Variants in SEC61A2 observed in about 807,000 individuals in gnomAD.
SEC61A2 encodes protein transport protein Sec61 subunit alpha isoform 2.
In SEC61A2, 28 loss-of-function variants were observed where a neutral mutation model predicts 59.9. The observed-to-expected ratio is 0.47, with a 90% CI of 0.35 to 0.64. The LOEUF (loss-of-function observed/expected upper bound fraction) is 0.64, where lower values mean the gene tolerates loss of function less well. Among genes scored for constraint, SEC61A2 ranks in the 30% least tolerant of loss-of-function variants. The pLI is 0.01. For synonymous variants in SEC61A2, 202 were observed against 214.4 expected (o/e 0.94, Z 0.50); for missense variants, 340 against 585.9 (o/e 0.58, Z 4.33).
intron 6 of SEC61A2, among the ~76,000 whole-genome samples, chr10:12,150,984 C>T (rs972262246): frequency 7.2e-5 from 11 of 152,044 alleles, no homozygotes; most frequent in Non-Finnish European, 1.3e-4. Context: ...ACCATGTTGG[C>T]CAGGCTGGTG....
chr10:12,133,186 A>G (rs1833802920), intron 1 of SEC61A2, 55 bp from the exon 2 acceptor site: 1 of 880,644 alleles, frequency 1.1e-6, no homozygotes, highest in Non-Finnish European at 1.8e-6. Flanking sequence ...CTAGAAAGAC[A>G]GATCTTTTTT....
At chr10:12,150,340 G>A (rs1834244334) in intron 6 of SEC61A2, among the ~76,000 whole-genome samples, 1 of 152,242 alleles carries the variant, frequency 6.6e-6, no homozygotes, top group South Asian at 2.1e-4. Flanking sequence ...AGGCAGTCAT[G>A]GTGGTGTCAC....
intron 8 of SEC61A2, 86 bp from the exon 9 acceptor site, chr10:12,157,822 G>C: frequency 7.9e-7 from 1 of 1,272,274 alleles, no homozygotes; most frequent in Non-Finnish European, 1.1e-6. Flanking sequence ...TTCATCCCCC[G>C]CACTGTTCTT....
chr10:12,131,185 C>G (rs1217589292), intron 1 of SEC61A2, among the ~76,000 whole-genome samples: 1 of 152,128 alleles, frequency 6.6e-6, no homozygotes. Context: ...AATAAACAAA[C>G]ATATATCGGT....
Position 12,156,027 on chromosome 10 carries a change from T to A in SEC61A2, c.616+96T>A. ...CAGTACATGCCTAGAGCCGTTCTGG[T>A]TTGCTCTCCTAGGGGATAAGGAATG... On this transcript the variant is annotated intron_variant, in intron 7 of 11. Transcript: ENST00000298428. The surrounding 1 kb of genome is among the most constrained non-coding windows in gnomAD (Gnocchi z 5.2). 7.5e-7 allele frequency: 1 copy of A among 1,330,656 alleles called. No homozygotes were observed. The highest frequency in any genetic ancestry group is 1.1e-6 in the Non-Finnish European group (1 of 936,950). The allele number at this position is 1,330,656 out of a possible 1,614,324, so 82.4% of individuals were successfully genotyped here.
Position 12,164,652 on chromosome 10 carries a change from A to G in SEC61A2, c.*198A>G, listed in dbSNP as rs1834622168. The G allele has an allele frequency of 7.3e-7, 1 of 1,373,740 alleles. No individual in the cohort carries two copies. The highest frequency in any genetic ancestry group is 9.3e-7 in the Non-Finnish European group (1 of 1,070,534). 85.1% of individuals were successfully genotyped at this position (1,373,740 alleles called of 1,614,324 possible). A position where few individuals can be genotyped will look rare whatever the true frequency, so the allele number is the denominator to read the frequency against. On this transcript the variant is annotated 3_prime_UTR_variant, in exon 12 of 12. Transcript: ENST00000298428. This position sits in a 1 kb window ranked among gnomAD's most constrained non-coding sequence, Gnocchi z 7.3. ...CCGCTGCCTTAAAACTCAAGTTTAC[A>G]TTATTCATTAAAAAAAGTACATCTA...
chr10:12,163,028 T>G (rs1395999436), intron 11 of SEC61A2, among the ~76,000 whole-genome samples: 1 of 152,242 alleles, frequency 6.6e-6, no homozygotes, highest in Non-Finnish European at 1.5e-5. Context: ...GTTTCCACTT[T>G]TTATGAATAA....
At chr10:12,151,607 GC>G (rs1360569317) in intron 6 of SEC61A2, among the ~76,000 whole-genome samples, 3 of 151,728 alleles carry the variant, frequency 2.0e-5, no homozygotes, top group Admixed American at 6.6e-5. Flanking sequence ...ACTGTGCCCG[GC>G]CAGGTATTTT....
At position 12,161,655 on chromosome 10, in the gene SEC61A2, C is replaced by T. The variant is rs560794332; in HGVS notation, c.1167+534C>T. ...ACTCAGGAGGCTGAGGCAGGAGAAT[C>T]GCTTGAACCTGGGAGTCGGAGGTTG... On this transcript the variant is annotated intron_variant, in intron 10 of 11. Transcript: ENST00000298428. This position sits in a 1 kb window ranked among gnomAD's most constrained non-coding sequence, Gnocchi z 5.4. 2.6e-5 allele frequency among the ~76,000 whole-genome samples: 4 copies of T among 152,264 alleles called. No homozygotes were observed. The highest frequency in any genetic ancestry group is 2.1e-4 in the South Asian group (1 of 4,822).
rs1206866968 is a variant in SEC61A2 at position 12,149,138 on chromosome 10, G to A, written c.221-457G>A. Among the ~76,000 whole-genome samples, 1 of 151,938 alleles carries A rather than the reference G, an allele frequency of 6.6e-6. No individual in the cohort carries two copies. ...GGAGTCTCACTCTGTTGCCCGGGCT[G>A]GAGTGCAGTGGCGCAATCTCGGCTT... On this transcript the variant is annotated intron_variant, in intron 4 of 11. Transcript: ENST00000298428. The surrounding 1 kb of genome is among the most constrained non-coding windows in gnomAD (Gnocchi z 5.2).
At chr10:12,159,870 T>C (rs530034452) in intron 9 of SEC61A2, among the ~76,000 whole-genome samples, 5 of 152,146 alleles carry the variant, frequency 3.3e-5, no homozygotes, top group Non-Finnish European at 7.3e-5. Flanking sequence ...CAAAGACTCA[T>C]ACCTTTCTGC....
intron 3 of SEC61A2, among the ~76,000 whole-genome samples, chr10:12,138,166 C>T (rs1423233147): frequency 2.0e-5 from 3 of 151,862 alleles, no homozygotes; most frequent in African/African-American, 7.3e-5. Context: ...TGGAGAAAAC[C>T]TAACTATATT....
chr10:12,168,964 T>C (rs1266973959), downstream of SEC61A2, among the ~76,000 whole-genome samples: 1 of 152,112 alleles, frequency 6.6e-6, no homozygotes. The surrounding 1 kb of genome is among the most constrained non-coding windows in gnomAD (Gnocchi z 4.8). Flanking sequence ...GGTTTTACTA[T>C]GTTGGCCAGG....
At chr10:12,167,844 G>A (rs1251719341), downstream of SEC61A2, 1 of 1,611,638 alleles carries the variant, frequency 6.2e-7, no homozygotes, top group East Asian at 2.2e-5. Context: ...CTTAGATCAT[G>A]CCGTTAAGGA....
rs1834365321 is a variant in SEC61A2 at position 12,155,057 on chromosome 10, C to A, written c.463-721C>A. On this transcript the variant is annotated intron_variant, in intron 6 of 11. Coordinates refer to ENST00000298428, the MANE Select transcript of SEC61A2 (RefSeq NM_018144.4). The surrounding 1 kb of genome is among the most constrained non-coding windows in gnomAD (Gnocchi z 4.3). ...ATGCATACTTTTACAGGAATGTCTT[C>A]TCCAAGAAGCAAGTTCAGAATTTTC... Among the ~76,000 whole-genome samples, 1 of 152,132 alleles carries A rather than the reference C, an allele frequency of 6.6e-6. No homozygotes were observed. The highest frequency in any genetic ancestry group is 1.5e-5 in the Non-Finnish European group (1 of 68,020).
At chr10:12,144,373 C>T (rs190723025) in intron 4 of SEC61A2, among the ~76,000 whole-genome samples, 1 of 152,088 alleles carries the variant, frequency 6.6e-6, no homozygotes, top group Non-Finnish European at 1.5e-5. Flanking sequence ...GTAAGATGTC[C>T]TGTATATACT....
intron 4 of SEC61A2, among the ~76,000 whole-genome samples, chr10:12,146,380 T>C (rs776544102): frequency 1.1e-4 from 16 of 152,272 alleles, no homozygotes; most frequent in South Asian, 2.1e-4. Context: ...CAGCTTCAGT[T>C]AGAGTTCCAG....
chr10:12,153,196 T>C lies in SEC61A2; in HGVS notation c.463-2582T>C, dbSNP rs1233205106. On this transcript the variant is annotated intron_variant, in intron 6 of 11. Transcript: ENST00000298428. The surrounding 1 kb of genome is among the most constrained non-coding windows in gnomAD (Gnocchi z 5.2). ...GGAGAGATGATATTCTGGAGTCTGA[T>C]TTTAGTATCTTTCAGGGCTTAGGGT... Among the ~76,000 whole-genome samples the C allele has an allele frequency of 6.6e-6, 1 of 152,094 alleles. No individual in the cohort carries two copies. Among genetic ancestry groups the C allele is most frequent in the Non-Finnish European group, 1.5e-5 (1 of 68,034 alleles).
chr10:12,144,336 T>A (rs1036774194), intron 4 of SEC61A2, among the ~76,000 whole-genome samples: 5 of 152,222 alleles, frequency 3.3e-5, no homozygotes, highest in Non-Finnish European at 7.3e-5. Flanking sequence ...CACTTACATA[T>A]ATCTATATAC....
Sources: allele counts gnomAD v4.1 joint callset (sites outside exome capture counted in the v4.1 genomes callset), GRCh38; gene constraint gnomAD v4.1.1; non-coding constraint Gnocchi (gnomAD v3.1); transcripts MANE v1.5; gene names NCBI Gene and HGNC (gene_info 2026-07-23, HGNC 2026-07-21).